SLC35F4: variants seen among roughly 807,000 people sequenced by gnomAD.
SLC35F4 encodes solute carrier family 35 member F4.
A neutral mutation model predicts 44.2 loss-of-function variants in SLC35F4; 24 were observed. The observed-to-expected ratio is 0.54, with a 90% CI of 0.39 to 0.76. The LOEUF (loss-of-function observed/expected upper bound fraction) is 0.76. SLC35F4 is among the 30% of genes least tolerant of loss of function. SLC35F4 has a pLI of 0.00. For synonymous variants in SLC35F4, 238 were observed against 223.6 expected, an observed-to-expected ratio of 1.06 and a Z score of -0.57; for missense variants, 562 against 586.1, an observed-to-expected ratio of 0.96 and a Z score of 0.42.
At chr14:57,802,397 C>T (rs1029954101) in intron 1 of SLC35F4, among the ~76,000 whole-genome samples, 1 of 151,838 alleles carries the variant, frequency 6.6e-6, no homozygotes, top group Admixed American at 6.6e-5. Context: ...AACAACCTAA[C>T]ATCTCAACTA....
intron 1 of SLC35F4, among the ~76,000 whole-genome samples, chr14:57,657,296 G>C (rs140936006): frequency 9.1e-4 from 138 of 152,266 alleles, no homozygotes; most frequent in African/African-American, 3.1e-3. Flanking sequence ...TCTTGTTTAG[G>C]ATGCTGTCTG....
intron 1 of SLC35F4, among the ~76,000 whole-genome samples, chr14:57,811,638 A>C (rs1048580118): frequency 6.6e-6 from 1 of 152,236 alleles, no homozygotes; most frequent in Admixed American, 6.5e-5. Context: ...AAACTCTGGA[A>C]GATGGACAGA....
intron 1 of SLC35F4, among the ~76,000 whole-genome samples, chr14:57,954,797 A>G (rs1890205993): frequency 6.6e-6 from 1 of 150,708 alleles, no homozygotes; most frequent in African/African-American, 2.4e-5. Flanking sequence ...CTTAACAACC[A>G]AAAAAAAAGC....
chr14:57,796,883 C>G (rs545310231), intron 1 of SLC35F4, among the ~76,000 whole-genome samples: 3 of 152,194 alleles, frequency 2.0e-5, no homozygotes, highest in Non-Finnish European at 4.4e-5. Flanking sequence ...CACTGGGAAT[C>G]TCAGATGACA....
rs1259505058 is a variant in SLC35F4, at chr14:57,955,436, A to C, written n.282+26477T>G. ...TACTCACATAGTATTGGAATTTATC[A>C]CCAGGGCAAGCAGGCAAGAGAAAGA... On this transcript the variant is annotated intron_variant and non_coding_transcript_variant, in intron 1 of 1. Coordinates refer to the SLC35F4 transcript ENST00000556568. Among the ~76,000 whole-genome samples, 8 of 152,134 alleles carry C rather than the reference A, an allele frequency of 5.3e-5. No homozygotes were observed. In the East Asian group the frequency reaches 1.5e-3, roughly 29 times the overall value.
chr14:57,951,157 C>A (rs1472282209), intron 1 of SLC35F4, among the ~76,000 whole-genome samples: 2 of 152,136 alleles, frequency 1.3e-5, no homozygotes. Context: ...GTAAGGCAAG[C>A]CAAAGCAGAG....
intron 1 of SLC35F4, among the ~76,000 whole-genome samples, chr14:57,853,747 G>A (rs1886805083): frequency 6.6e-6 from 1 of 152,200 alleles, no homozygotes; most frequent in Admixed American, 6.5e-5. Context: ...CAAGAATGGG[G>A]AGCATGTGCC....
chr14:57,671,793 A>C (rs1399171931), intron 1 of SLC35F4, among the ~76,000 whole-genome samples: 2 of 152,092 alleles, frequency 1.3e-5, no homozygotes, highest in Non-Finnish European at 2.9e-5. Context: ...ATGATGGATG[A>C]GCACGGAAGT....
At chr14:57,865,369 G>T (rs1035314874) in intron 1 of SLC35F4, among the ~76,000 whole-genome samples, 1 of 151,700 alleles carries the variant, frequency 6.6e-6, no homozygotes, top group Non-Finnish European at 1.5e-5. Flanking sequence ...CTGACTTTCC[G>T]CTAAGTGAAC....
intron 1 of SLC35F4, among the ~76,000 whole-genome samples, chr14:57,981,385 AC>A (rs1014892753): frequency 1.3e-5 from 2 of 152,060 alleles, no homozygotes; most frequent in Non-Finnish European, 2.9e-5. Context: ...TATTGATATT[AC>A]CCCCATTTTA....
At chr14:57,645,114 G>T (rs1053586216) in intron 1 of SLC35F4, among the ~76,000 whole-genome samples, 5 of 152,028 alleles carry the variant, frequency 3.3e-5, no homozygotes, top group African/African-American at 1.2e-4. Context: ...ACTCTTTTTT[G>T]GTTCCACATG....
chr14:57,763,458 C>T, intron 1 of SLC35F4, among the ~76,000 whole-genome samples: 1 of 152,158 alleles, frequency 6.6e-6, no homozygotes, highest in East Asian at 1.9e-4. Context: ...ACTCCAGAGT[C>T]AGAATAGTTG....
intron 1 of SLC35F4, among the ~76,000 whole-genome samples, chr14:57,651,775 C>T (rs2073793327): frequency 1.3e-5 from 2 of 152,050 alleles, no homozygotes; most frequent in South Asian, 4.2e-4. Context: ...TCTGAGCTTC[C>T]AGGTCTAAGA....
chr14:57,826,178 A>G (rs1390333407), intron 1 of SLC35F4, among the ~76,000 whole-genome samples: 2 of 152,130 alleles, frequency 1.3e-5, no homozygotes, highest in Admixed American at 6.6e-5. Context: ...ATAGACCAAT[A>G]GAACAGAATA....
At chr14:57,619,711 G>A (rs533316688) in intron 1 of SLC35F4, among the ~76,000 whole-genome samples, 2 of 152,236 alleles carry the variant, frequency 1.3e-5, no homozygotes, top group South Asian at 4.1e-4. Context: ...GACAGAAGTA[G>A]GCTTCAGAAG....
chr14:57,730,429 C>T (rs2076315916), intron 1 of SLC35F4, among the ~76,000 whole-genome samples: 1 of 151,844 alleles, frequency 6.6e-6, no homozygotes, highest in Non-Finnish European at 1.5e-5. Flanking sequence ...TACTTCCTAG[C>T]CATTTGTAGA....
intron 1 of SLC35F4, among the ~76,000 whole-genome samples, chr14:57,738,097 A>C (rs1016807609): frequency 6.6e-6 from 1 of 152,206 alleles, no homozygotes; most frequent in Non-Finnish European, 1.5e-5. Context: ...GTAATCTAGG[A>C]AGTAAAATGC....
chr14:57,578,268 TTAGCATGAAC>T (rs2068944820), intron 4 of SLC35F4, among the ~76,000 whole-genome samples: 2 of 148,982 alleles, frequency 1.3e-5, no homozygotes, highest in South Asian at 4.3e-4. Context: ...TACTGATGCT[TTAGCATGAAC>T]TAGAAATATA....
chr14:57,616,269 T>C (rs2071816617), intron 1 of SLC35F4, among the ~76,000 whole-genome samples: 1 of 152,210 alleles, frequency 6.6e-6, no homozygotes, highest in Non-Finnish European at 1.5e-5. Context: ...AGAATTCTCA[T>C]AACATATACC....
Sources: gnomAD v4.1 joint callset for allele counts (sites outside exome capture counted in the v4.1 genomes callset) on GRCh38, gnomAD v4.1.1 for gene constraint, MANE v1.5 for transcripts, NCBI Gene and HGNC (gene_info 2026-07-23, HGNC 2026-07-21) for gene names.